Variants in HYLS1 observed in about 807,000 individuals in gnomAD.
HYLS1 encodes the protein centriolar and ciliogenesis-associated protein HYLS1.
HYLS1 carries 25 observed loss-of-function variants against 29.4 expected under a neutral mutation model. That is an observed-to-expected ratio of 0.85 (90% CI 0.62 to 1.19). The LOEUF (loss-of-function observed/expected upper bound fraction) is 1.19. Ranked by LOEUF, HYLS1 falls within the 50% of genes most tolerant of loss-of-function variation. The pLI is 0.00. For synonymous variants in HYLS1, 128 were observed against 126.7 expected, an observed-to-expected ratio of 1.01 and a Z score of -0.07; for missense variants, 352 against 365.1, an observed-to-expected ratio of 0.96 and a Z score of 0.29.
intron 2 of HYLS1, chr11:125,894,113 G>C: frequency 6.2e-7 from 1 of 1,614,042 alleles, no homozygotes; most frequent in Non-Finnish European, 8.5e-7. Context: ...ACAGGGTACT[G>C]GAACAGTGTC....
rs1312526662 is a variant in HYLS1 at position 125,900,257 on chromosome 11, T to A, written c.889T>A (p.Ser297Thr). The part of the protein sequence containing the change: ...VIPRKLPFPL[S>T]PS ...ACCCAGGAAGCTTCCCTTCCCTCTT[T>A]CTCCTTCTTAAATCTTTTTAAACTT... The change falls in exon 3 of 3, where the codon TCT becomes ACT. Residue 297 changes from serine to threonine, a missense_variant. Transcript: ENST00000425380. 1 of 1,614,156 alleles carries A rather than the reference T, an allele frequency of 6.2e-7. No homozygotes were observed.
chr11:125,899,943 C>T lies in HYLS1; in HGVS notation c.575C>T (p.Pro192Leu), dbSNP rs765334794. ...YEQDLIVASR[P>L]KSFILPKLDQ... Reference sequence around the variant, plus strand: ...CAAGACCTGATTGTTGCCAGCAGACCCAAGTCCTTTATTCTCCCAAAGCTG... The same window carrying T: ...CAAGACCTGATTGTTGCCAGCAGACTCAAGTCCTTTATTCTCCCAAAGCTG... Residue 192 changes from proline (P) to leucine (L), a missense_variant, in exon 3 of 3, where the codon CCC (proline) becomes CTC (leucine). Coordinates refer to ENST00000425380, the MANE Select transcript of HYLS1 (RefSeq NM_001134793.2). 1 of 1,614,178 alleles carries T rather than the reference C, an allele frequency of 6.2e-7. No homozygotes were observed. Among genetic ancestry groups the T allele is most frequent in the South Asian group, 1.1e-5 (1 of 91,084 alleles).
At chr11:125,895,625 TTCTACA>T in intron 2 of HYLS1, 1 of 1,614,210 alleles carries the variant, frequency 6.2e-7, no homozygotes, top group Non-Finnish European at 8.5e-7. Context: ...TGAAGCTTGG[TTCTACA>T]GGGGCCCAGG....
intron 2 of HYLS1, among the ~76,000 whole-genome samples, chr11:125,896,586 G>A (rs1236011400): frequency 1.3e-5 from 2 of 152,104 alleles, no homozygotes; most frequent in African/African-American, 2.4e-5. Flanking sequence ...CAAAATTCAG[G>A]GAGAATGTCT....
intron 1 of HYLS1, among the ~76,000 whole-genome samples, chr11:125,889,134 C>T (rs1271352828): frequency 1.3e-5 from 2 of 152,104 alleles, no homozygotes; most frequent in Non-Finnish European, 2.9e-5. Flanking sequence ...GTCAGTTAAG[C>T]AGATTATACA....
chr11:125,898,272 G>T (rs2134253125), intron 2 of HYLS1, among the ~76,000 whole-genome samples: 1 of 152,312 alleles, frequency 6.6e-6, no homozygotes, highest in African/African-American at 2.4e-5. Context: ...GTGGACAGTA[G>T]ATACCTATCT....
rs1001063674 is a variant in HYLS1, at chr11:125,894,346, A to G, written c.-26+2874A>G. On this transcript the variant is annotated intron_variant, in intron 2 of 2. Transcript: ENST00000425380. ...ATAACATCCATCTAACAGTTCTTTA[A>G]AAACTAAGGGTTAGTTGCGTTAAGG... The G allele has an allele frequency of 9.9e-6, 14 of 1,420,416 alleles. No homozygotes were observed. The African/African-American group carries it at 1.7e-4, about 17-fold the overall frequency. 88.0% of individuals were successfully genotyped at this position (1,420,416 alleles called of 1,614,324 possible).
chr11:125,899,212 C>T (rs1489741425), intron 2 of HYLS1, 132 bp from the exon 3 acceptor site: 1 of 648,278 alleles, frequency 1.5e-6, no homozygotes, highest in African/African-American at 1.8e-5. Flanking sequence ...TCTGATACTA[C>T]CCTGTATTGA....
upstream of HYLS1, among the ~76,000 whole-genome samples, chr11:125,886,819 G>T (rs1659953387): frequency 6.7e-6 from 1 of 148,766 alleles, no homozygotes. Flanking sequence ...GCTGAGGCAG[G>T]AGAATCGCTT....
upstream of HYLS1, among the ~76,000 whole-genome samples, chr11:125,886,610 A>G (rs1227701312): frequency 6.9e-6 from 1 of 145,342 alleles, no homozygotes; most frequent in Non-Finnish European, 1.5e-5. Flanking sequence ...TTACAGGTAC[A>G]GATGCAAAAA....
intron 2 of HYLS1, among the ~76,000 whole-genome samples, chr11:125,895,068 A>G (rs1944536195): frequency 6.7e-6 from 1 of 149,882 alleles, no homozygotes; most frequent in Non-Finnish European, 1.5e-5. Flanking sequence ...TTTTTTTTTA[A>G]GACAGTCTCC....
In HYLS1 at chr11:125,895,692, C is replaced by A. The variant is rs113575767; in HGVS notation, c.-25-3652C>A. The A allele has an allele frequency of 1.9e-6, 3 of 1,614,106 alleles. No individual in the cohort carries two copies. In the Admixed American group the frequency reaches 5.0e-5, roughly 27 times the overall value. On this transcript the variant is annotated intron_variant, in intron 2 of 2. Coordinates refer to ENST00000425380, the MANE Select transcript of HYLS1 (RefSeq NM_001134793.2). ...TACCCGATTGAGAATGTGGGTATAA[C>A]GGATCTCTTCAGCAGCAGCATTAGC...
Position 125,900,466 on chromosome 11 carries a change from T to TTG in HYLS1, c.*198_*199insTG, listed in dbSNP as rs1944738036. On this transcript the variant is annotated 3_prime_UTR_variant, in exon 3 of 3. Coordinates refer to ENST00000425380, the MANE Select transcript of HYLS1 (RefSeq NM_001134793.2). ...CAAATTGCCACTCAAATCCAGCAAT[T>TTG]GCAAGATAAATCATATCAGAGAAAG... is the stretch of plus-strand genomic sequence containing the variant. The TTG allele has an allele frequency of 1.7e-6, 1 of 587,526 alleles. No homozygotes were observed. The highest frequency in any genetic ancestry group is 1.9e-5 in the African/African-American group (1 of 53,306). 36.4% of individuals were successfully genotyped at this position (587,526 alleles called of 1,614,324 possible). A position where few individuals can be genotyped will look rare whatever the true frequency, so the allele number is the denominator to read the frequency against.
chr11:125,889,266 G>A (rs967671155), intron 1 of HYLS1, among the ~76,000 whole-genome samples: 36 of 152,172 alleles, frequency 2.4e-4, no homozygotes, highest in African/African-American at 8.2e-4. Flanking sequence ...TATTTAACCA[G>A]TCCCCTACTA....
chr11:125,899,658 A>G lies in HYLS1; in HGVS notation c.290A>G (p.Lys97Arg). 1 of 1,614,234 alleles carries G rather than the reference A, an allele frequency of 6.2e-7. No individual in the cohort carries two copies. The highest frequency in any genetic ancestry group is 8.5e-7 in the Non-Finnish European group (1 of 1,180,038). The change falls in exon 3 of 3, where the codon AAG (lysine) becomes AGG (arginine). Residue 97 changes from lysine to arginine, a missense_variant. Lys to Arg is a conservative substitution (Grantham distance 26, BLOSUM62 2). Transcript: ENST00000425380. ...CTCCGAAAGCCAGTGATGAAGAGAAAGGTGCTGCGCAGAAAGCCAGATGGG... is the reference window on the plus strand; with the variant it reads ...CTCCGAAAGCCAGTGATGAAGAGAAGGGTGCTGCGCAGAAAGCCAGATGGG... ...QRLRKPVMKR[K>R]VLRRKPDGEV...
chr11:125,896,113 T>C, intron 2 of HYLS1: 1 of 1,614,238 alleles, frequency 6.2e-7, no homozygotes, highest in Non-Finnish European at 8.5e-7. Flanking sequence ...CCATGAGCAC[T>C]GAAATCAAAT....
Position 125,900,595 on chromosome 11 carries a change from T to G in HYLS1, c.*327T>G, listed in dbSNP as rs1314001300. 2 of 337,706 alleles carry G rather than the reference T, an allele frequency of 5.9e-6. No homozygotes were observed. The highest frequency in any genetic ancestry group is 3.0e-5 in the South Asian group (1 of 33,148). 20.9% of individuals were successfully genotyped at this position (337,706 alleles called of 1,614,324 possible). A position where few individuals can be genotyped will look rare whatever the true frequency, so the allele number is the denominator to read the frequency against. ...TGAGTTGCTGTGCTTCAGTGTGTGT[T>G]TTTTAAGTTGCTGGGCATTACACTT... is the stretch of plus-strand genomic sequence containing the variant. On this transcript the variant is annotated 3_prime_UTR_variant, in exon 3 of 3. Coordinates refer to ENST00000425380, the MANE Select transcript of HYLS1 (RefSeq NM_001134793.2).
At chr11:125,897,307 C>CT (rs1424713482) in intron 2 of HYLS1, among the ~76,000 whole-genome samples, 2 of 151,998 alleles carry the variant, frequency 1.3e-5, no homozygotes, top group African/African-American at 4.8e-5. Flanking sequence ...CATGGAATGA[C>CT]TTTTTTCTGA....
chr11:125,897,079 A>G (rs1045580700), intron 2 of HYLS1, among the ~76,000 whole-genome samples: 4 of 152,344 alleles, frequency 2.6e-5, no homozygotes, highest in Non-Finnish European at 4.4e-5. Context: ...TAATATTTCA[A>G]TAATCTGAGG....
Sources: gnomAD v4.1 joint callset for allele counts (sites outside exome capture counted in the v4.1 genomes callset) on GRCh38, gnomAD v4.1.1 for gene constraint, MANE v1.5 for transcripts, NCBI Gene and HGNC (gene_info 2026-07-23, HGNC 2026-07-21) for gene names.